The following NCKAP5 variants were observed in gnomAD, a reference collection of about 807,000 sequenced individuals.
NCKAP5 encodes the protein NCK associated protein 5, also known as nck-associated protein 5.
A neutral mutation model predicts 167.0 loss-of-function variants in NCKAP5; 92 were observed. The observed-to-expected ratio is 0.55, with a 90% CI of 0.47 to 0.66. The LOEUF (loss-of-function observed/expected upper bound fraction) is 0.66. NCKAP5 is among the 30% of genes least tolerant of loss of function. The pLI is 0.00. For missense variants in NCKAP5, 2,378 were observed against 2,315.0 expected, an observed-to-expected ratio of 1.03 and a Z score of -0.56; for synonymous variants, 891 against 877.4, an observed-to-expected ratio of 1.02 and a Z score of -0.27.
chr2:133,257,440 C>T (rs1216393979), intron 4 of NCKAP5, among the ~76,000 whole-genome samples: 1 of 152,124 alleles, frequency 6.6e-6, no homozygotes, highest in African/African-American at 2.4e-5. Context: ...ATTAATTAAG[C>T]AGCTAAATGC....
At chr2:132,747,037 G>C (rs1029423053) in intron 16 of NCKAP5, among the ~76,000 whole-genome samples, 2 of 152,004 alleles carry the variant, frequency 1.3e-5, no homozygotes, top group Non-Finnish European at 2.9e-5. Flanking sequence ...TGTAAATCTT[G>C]ATTGTGATAG....
At chr2:133,361,007 A>T (rs1322964160) in intron 3 of NCKAP5, among the ~76,000 whole-genome samples, 1 of 151,140 alleles carries the variant, frequency 6.6e-6, no homozygotes, top group African/African-American at 2.4e-5. Flanking sequence ...CAATGGGCAG[A>T]CCCAAGCAGG....
At chr2:133,641,357 C>T in the NCKAP5 span, among the ~76,000 whole-genome samples, 1 of 152,162 alleles carries the variant, frequency 6.6e-6, no homozygotes, top group Non-Finnish European at 1.5e-5. Flanking sequence ...TTCCTTTTAC[C>T]TTTCTCCACC....
intron 6 of NCKAP5, among the ~76,000 whole-genome samples, chr2:133,120,260 T>C (rs66498754): frequency 0.23 from 35,170 of 152,076 alleles, 4,587 homozygotes; most frequent in East Asian, 0.56. Flanking sequence ...GCTTCATTCT[T>C]AAGAAACATT....
At chr2:133,294,319 C>T (rs551594567) in intron 4 of NCKAP5, among the ~76,000 whole-genome samples, 1 of 152,204 alleles carries the variant, frequency 6.6e-6, no homozygotes, top group East Asian at 1.9e-4. Context: ...ATAAATTAAC[C>T]CCATGAGGAT....
intron 6 of NCKAP5, among the ~76,000 whole-genome samples, chr2:133,060,971 C>T (rs535132354): frequency 1.9e-4 from 29 of 151,774 alleles, no homozygotes; most frequent in Non-Finnish European, 1.3e-4. Context: ...TTCTTGCCTA[C>T]GAAGCTGCAG....
intron 19 of NCKAP5, among the ~76,000 whole-genome samples, chr2:132,689,811 T>C (rs150417293): frequency 2.0e-3 from 306 of 152,316 alleles, no homozygotes; most frequent in African/African-American, 7.1e-3. Context: ...GAAATATTTA[T>C]ATATTATCAG....
rs151175633 is a variant in NCKAP5 at position 132,948,858 on chromosome 2, A to G, written c.579+14862T>C. ...CACAAGTAAATCAGGTCTAAAGCCTAAAACACCAAAAGATTAATACATGGT... is the reference window on the plus strand; with the variant it reads ...CACAAGTAAATCAGGTCTAAAGCCTGAAACACCAAAAGATTAATACATGGT... On this transcript the variant is annotated intron_variant, in intron 8 of 19. Transcript: ENST00000409261. Among the ~76,000 whole-genome samples the G allele has an allele frequency of 4.6e-5, 7 of 152,320 alleles. No homozygotes were observed. In the East Asian group the frequency reaches 1.4e-3, roughly 29 times the overall value.
chr2:133,432,249 T>C lies in NCKAP5; in HGVS notation c.69+85209A>G, dbSNP rs1690206331. Among the ~76,000 whole-genome samples the C allele has an allele frequency of 2.0e-5, 3 of 152,152 alleles. No homozygotes were observed. In the South Asian group the frequency reaches 6.2e-4, roughly 32 times the overall value. ...TTAGCATCATTATAGTTTCATGAGA[T>C]AAAATAAAAATTGCTCATTCATTAT... On this transcript the variant is annotated intron_variant, in intron 3 of 19. Coordinates refer to ENST00000409261, the MANE Select transcript of NCKAP5 (RefSeq NM_207363.3).
intron 6 of NCKAP5, among the ~76,000 whole-genome samples, chr2:133,093,834 G>A (rs10200148): frequency 0.43 from 65,652 of 152,040 alleles, 15,264 homozygotes; most frequent in East Asian, 0.96. Flanking sequence ...ACCTAAACTA[G>A]GCAAGGAGTA....
At chr2:133,189,209 A>G (rs1157719204) in intron 5 of NCKAP5, among the ~76,000 whole-genome samples, 1 of 152,186 alleles carries the variant, frequency 6.6e-6, no homozygotes, top group African/African-American at 2.4e-5. Context: ...TCCTGGACAC[A>G]TACAGCCTCC....
intron 11 of NCKAP5, among the ~76,000 whole-genome samples, chr2:132,849,736 T>A (rs1296153695): frequency 6.6e-6 from 1 of 152,214 alleles, no homozygotes; most frequent in Admixed American, 6.5e-5. Context: ...TGGATCTTAG[T>A]GGCCTTTCAC....
At chr2:133,186,516 T>C (rs2084953516) in intron 5 of NCKAP5, among the ~76,000 whole-genome samples, 1 of 152,140 alleles carries the variant, frequency 6.6e-6, no homozygotes, top group Non-Finnish European at 1.5e-5. Context: ...TTTGGAATAG[T>C]TCTAGTAAGA....
chr2:133,582,259 T>C, the NCKAP5 span, among the ~76,000 whole-genome samples: 7 of 152,170 alleles, frequency 4.6e-5, no homozygotes, highest in South Asian at 1.2e-3. Context: ...CCAGACCTAC[T>C]GCATCAGGGA....
At chr2:133,631,787 T>C in the NCKAP5 span, among the ~76,000 whole-genome samples, 1 of 152,270 alleles carries the variant, frequency 6.6e-6, no homozygotes, top group African/African-American at 2.4e-5. Flanking sequence ...GAGTGGAAGT[T>C]CCTGCTGTCA....
At chr2:132,965,566 T>C (rs1432354904) in intron 7 of NCKAP5, among the ~76,000 whole-genome samples, 1 of 152,152 alleles carries the variant, frequency 6.6e-6, no homozygotes, top group Non-Finnish European at 1.5e-5. Flanking sequence ...TTATATTTTA[T>C]ACATATACAT....
At chr2:132,750,688 TGTGAG>T (rs1013583374) in intron 16 of NCKAP5, among the ~76,000 whole-genome samples, 1 of 152,194 alleles carries the variant, frequency 6.6e-6, no homozygotes, top group African/African-American at 2.4e-5. Flanking sequence ...ACATTTTGTT[TGTGAG>T]CAGAGTTTCT....
the NCKAP5 span, among the ~76,000 whole-genome samples, chr2:133,654,377 C>CAAGTAAAT: frequency 6.8e-6 from 1 of 146,682 alleles, no homozygotes; most frequent in Non-Finnish European, 1.5e-5. Context: ...GACTCTATCT[C>CAAGTAAAT]AAATAAATAA....
chr2:133,506,488 C>T (rs1359105463), intron 3 of NCKAP5, among the ~76,000 whole-genome samples: 1 of 152,154 alleles, frequency 6.6e-6, no homozygotes, highest in Non-Finnish European at 1.5e-5. Flanking sequence ...CAATTGGGTT[C>T]AGCCAGTGGA....
Sources: gnomAD v4.1 joint callset for allele counts (sites outside exome capture counted in the v4.1 genomes callset) on GRCh38, gnomAD v4.1.1 for gene constraint, MANE v1.5 for transcripts, NCBI Gene and HGNC (gene_info 2026-07-23, HGNC 2026-07-21) for gene names.